Variants in NR6A1 observed in about 807,000 individuals in gnomAD.
NR6A1 encodes nuclear receptor subfamily 6 group A member 1, also known as retinoic acid receptor-related testis-associated receptor.
Under a neutral mutation model 59.1 loss-of-function variants are expected in NR6A1, and 7 were observed. The ratio of observed to expected loss-of-function variants is 0.12; its 90% CI spans 0.07 to 0.22. The LOEUF is 0.22. NR6A1 is among the 10% of genes least tolerant of loss of function. NR6A1 has a pLI of 1.00. For synonymous variants in NR6A1, 243 were observed against 236.1 expected (o/e 1.03, Z -0.27); for missense variants, 468 against 611.6 (o/e 0.77, Z 2.48).
chr9:124,527,923 G>A (rs1448511074), intron 7 of NR6A1, among the ~76,000 whole-genome samples: 2 of 152,212 alleles, frequency 1.3e-5, no homozygotes, highest in Non-Finnish European at 2.9e-5. Flanking sequence ...AAAAGACGAG[G>A]TCAAGTCTGG....
intron 2 of NR6A1, among the ~76,000 whole-genome samples, chr9:124,696,603 A>G (rs1838773353): frequency 7.1e-6 from 1 of 140,308 alleles, no homozygotes; most frequent in Non-Finnish European, 1.5e-5. Flanking sequence ...GCTCACTGCA[A>G]CCTCTGCCTC....
intron 2 of NR6A1, among the ~76,000 whole-genome samples, chr9:124,634,501 A>T (rs79944294): frequency 0.01 from 1,594 of 151,872 alleles, 36 homozygotes; most frequent in African/African-American, 0.037. Context: ...TAACTTCCTT[A>T]GTTTTCTTGC....
chr9:124,726,758 G>A (rs1839732918), intron 2 of NR6A1, among the ~76,000 whole-genome samples: 1 of 152,196 alleles, frequency 6.6e-6, no homozygotes, highest in Non-Finnish European at 1.5e-5. Flanking sequence ...CTAAAGCCTA[G>A]TTGAGAAAAA....
chr9:124,547,199 GC>G (rs1739278747), intron 3 of NR6A1, among the ~76,000 whole-genome samples: 1 of 152,200 alleles, frequency 6.6e-6, no homozygotes, highest in Admixed American at 6.5e-5. Context: ...CACTTTTTCT[GC>G]TTTGGAACTC....
intron 2 of NR6A1, among the ~76,000 whole-genome samples, chr9:124,642,880 A>T (rs1206566736): frequency 6.6e-6 from 1 of 152,164 alleles, no homozygotes; most frequent in Non-Finnish European, 1.5e-5. Context: ...AAGAAATAAG[A>T]AAGATAAGAA....
rs74348506 is a variant in NR6A1 at position 124,707,327 on chromosome 9, C to T, written c.142+25981G>A. Among the ~76,000 whole-genome samples the T allele has an allele frequency of 2.5e-3, 374 of 152,212 alleles. 1 individual carries two copies. The highest frequency in any genetic ancestry group is 8.6e-3 in the African/African-American group (358 of 41,542). On this transcript the variant is annotated intron_variant, in intron 2 of 9. Coordinates refer to ENST00000487099, the MANE Select transcript of NR6A1 (RefSeq NM_033334.4). ...TATACTTTTCAACTCCAGTCCAGTG[C>T]TTCCATTTTTATTTTCTTATAATTT...
chr9:124,703,207 ATTTTTTTTT>A (rs80014383), intron 2 of NR6A1, among the ~76,000 whole-genome samples: 119 of 104,558 alleles, frequency 1.1e-3, no homozygotes, highest in Middle Eastern at 6.3e-3. Flanking sequence ...ACACGGCCAC[ATTTTTTTTT>A]TTTTTTTTTT....
At chr9:124,611,413 A>T (rs564220537) in intron 2 of NR6A1, among the ~76,000 whole-genome samples, 12 of 151,980 alleles carry the variant, frequency 7.9e-5, no homozygotes, top group Non-Finnish European at 1.3e-4. Context: ...GCCACCAAAG[A>T]CTACTCTCCA....
At chr9:124,674,388 C>T (rs552343462) in intron 2 of NR6A1, among the ~76,000 whole-genome samples, 2 of 152,272 alleles carry the variant, frequency 1.3e-5, no homozygotes, top group South Asian at 4.1e-4. Context: ...TTCCTGAGTT[C>T]AAATCCTGGC....
At chr9:124,765,303 G>C (rs971945711) in intron 1 of NR6A1, among the ~76,000 whole-genome samples, 1 of 152,084 alleles carries the variant, frequency 6.6e-6, no homozygotes, top group Non-Finnish European at 1.5e-5. Flanking sequence ...GCCCTCCTGT[G>C]AATTTATAAT....
intron 2 of NR6A1, among the ~76,000 whole-genome samples, chr9:124,619,209 AAC>A (rs1835989236): frequency 6.6e-6 from 1 of 152,226 alleles, no homozygotes; most frequent in Non-Finnish European, 1.5e-5. Flanking sequence ...AACAATCTCT[AAC>A]ACAAATTAAG....
At chr9:124,544,851 G>C (rs75979221) in intron 3 of NR6A1, among the ~76,000 whole-genome samples, 2,484 of 152,238 alleles carry the variant, frequency 0.016, 72 homozygotes, top group East Asian at 0.15. Context: ...AGGAATGTAG[G>C]GGGGCACTGT....
At chr9:124,644,703 C>G (rs777675510) in intron 2 of NR6A1, among the ~76,000 whole-genome samples, 1 of 152,220 alleles carries the variant, frequency 6.6e-6, no homozygotes, top group Non-Finnish European at 1.5e-5. Context: ...CCAGCCCCTA[C>G]TGGTCTCTAT....
intron 2 of NR6A1, among the ~76,000 whole-genome samples, chr9:124,647,045 G>C (rs1056375156): frequency 1.1e-4 from 16 of 152,132 alleles, no homozygotes; most frequent in African/African-American, 3.9e-4. Context: ...CTTCCCAGTA[G>C]CTAGGACTAC....
chr9:124,682,976 TG>T (rs1485089205), intron 2 of NR6A1, among the ~76,000 whole-genome samples: 1 of 151,792 alleles, frequency 6.6e-6, no homozygotes, highest in Non-Finnish European at 1.5e-5. Context: ...GAAGCTAAGG[TG>T]GGAGGATCGC....
chr9:124,543,717 G>T, intron 4 of NR6A1, 85 bp downstream of exon 4: 1 of 1,018,164 alleles, frequency 9.8e-7, no homozygotes, highest in Non-Finnish European at 1.4e-6. Context: ...AGCAGCAGAT[G>T]AAAGAGTCAA....
At chr9:124,732,972 C>T (rs1029743770) in intron 2 of NR6A1, among the ~76,000 whole-genome samples, 4 of 152,222 alleles carry the variant, frequency 2.6e-5, no homozygotes, top group Admixed American at 1.3e-4. Context: ...GCTGGGATTA[C>T]AGGCGTCAGC....
At chr9:124,698,607 A>T (rs1191436775) in intron 2 of NR6A1, 1 of 152,190 alleles carries the variant, frequency 6.6e-6, no homozygotes, top group East Asian at 1.9e-4. Flanking sequence ...CATGGAGTAG[A>T]TAATAAATGT....
chr9:124,641,423 C>T (rs544590756), intron 2 of NR6A1, among the ~76,000 whole-genome samples: 14 of 151,842 alleles, frequency 9.2e-5, no homozygotes, highest in African/African-American at 3.4e-4. Flanking sequence ...AAAGAAGAGG[C>T]CAGGAATGGT....
Sources: gnomAD v4.1 joint callset for allele counts (sites outside exome capture counted in the v4.1 genomes callset) on GRCh38, gnomAD v4.1.1 for gene constraint, MANE v1.5 for transcripts, NCBI Gene and HGNC (gene_info 2026-07-23, HGNC 2026-07-21) for gene names.